Variants in KYAT3 observed in about 807,000 individuals in gnomAD.
The protein encoded by KYAT3 is kynurenine--oxoglutarate transaminase 3.
In KYAT3, 50 loss-of-function variants were observed where a neutral mutation model predicts 59.0. The observed-to-expected ratio is 0.85, with a 90% CI of 0.68 to 1.07. The LOEUF is 1.07. Ranked by LOEUF, KYAT3 falls within the 50% of genes least tolerant of loss-of-function variation. The pLI is 0.00. For synonymous variants in KYAT3, 148 were observed against 177.0 expected (o/e 0.84, Z 1.30); for missense variants, 497 against 533.3 (o/e 0.93, Z 0.67).
At chr1:88,957,522 C>T (rs1570794856) in intron 8 of KYAT3, among the ~76,000 whole-genome samples, 2 of 151,984 alleles carry the variant, frequency 1.3e-5, no homozygotes, top group South Asian at 2.1e-4. Context: ...CTATTGTATT[C>T]GATAGAATAC....
At chr1:88,946,699 T>G (rs1411538011) in intron 11 of KYAT3, among the ~76,000 whole-genome samples, 1 of 152,158 alleles carries the variant, frequency 6.6e-6, no homozygotes, top group African/African-American at 2.4e-5. Context: ...GAACTGCACA[T>G]TTAGACTCAA....
chr1:88,969,519 C>G, intron 2 of KYAT3, 52 bp from the exon 3 acceptor site: 1 of 983,148 alleles, frequency 1.0e-6, no homozygotes, highest in East Asian at 2.4e-5. Context: ...ATTTTAAAAG[C>G]CAGTAAATCA....
intron 2 of KYAT3, among the ~76,000 whole-genome samples, chr1:88,978,557 G>C (rs548739843): frequency 5.3e-5 from 8 of 151,972 alleles, no homozygotes; most frequent in Non-Finnish European, 1.2e-4. Flanking sequence ...GAGTGCAGTG[G>C]TGCAATCATG....
At chr1:88,946,929 T>C (rs372597223) in intron 11 of KYAT3, among the ~76,000 whole-genome samples, 4 of 152,338 alleles carry the variant, frequency 2.6e-5, no homozygotes, top group African/African-American at 9.6e-5. Flanking sequence ...AATGAATTCT[T>C]ATGACTGTAT....
chr1:88,975,591 A>G (rs1051551870), intron 2 of KYAT3, among the ~76,000 whole-genome samples: 2 of 152,278 alleles, frequency 1.3e-5, no homozygotes, highest in Non-Finnish European at 2.9e-5. Flanking sequence ...CCTCAATATT[A>G]TAGTCATCTG....
chr1:88,932,564 G>A (rs1674930655), downstream of KYAT3, among the ~76,000 whole-genome samples: 1 of 152,158 alleles, frequency 6.6e-6, no homozygotes, highest in Non-Finnish European at 1.5e-5. Context: ...TGTGATCACA[G>A]CTCACTGCAG....
intron 11 of KYAT3, among the ~76,000 whole-genome samples, chr1:88,946,668 T>G (rs189210215): frequency 7.2e-5 from 11 of 152,278 alleles, no homozygotes; most frequent in Non-Finnish European, 1.5e-5. Flanking sequence ...TGTGCTAATT[T>G]TTTTTATCAT....
At chr1:88,988,112 T>C (rs1170587035) in intron 2 of KYAT3, 140 bp downstream of exon 2, 1 of 581,274 alleles carries the variant, frequency 1.7e-6, no homozygotes. Flanking sequence ...TTCTAGTCAA[T>C]GACAAGAGAC....
chr1:88,968,986 T>C (rs1355959841), intron 3 of KYAT3, among the ~76,000 whole-genome samples, 172 bp from the exon 4 acceptor site: 1 of 152,186 alleles, frequency 6.6e-6, no homozygotes, highest in Non-Finnish European at 1.5e-5. Context: ...GTTTACCAAA[T>C]AGAATGATGG....
chr1:88,949,274 C>T lies in KYAT3; in HGVS notation c.958G>A (p.Ala320Thr). Residue 320 changes from alanine to threonine, a missense_variant, in exon 11 of 14, where the codon GCC becomes ACC. Around this residue, in one of 2 missense-constraint regions of KYAT3, gnomAD observed 469 missense variants for 479.1 expected, o/e 0.98. Coordinates refer to ENST00000260508, the MANE Select transcript of KYAT3 (RefSeq NM_001008661.3). ...TCAATCCAGAAAGCTTGAGCCAAGGCTTCCTGTTTGTTAAGAATCAAAAAA... is the reference window on the plus strand; with the variant it reads ...TCAATCCAGAAAGCTTGAGCCAAGGTTTCCTGTTTGTTAAGAATCAAAAAA... ...IYTCATPLQE[A>T]LAQAFWIDIK... 2.6e-6 allele frequency: 4 copies of T among 1,537,130 alleles called. No homozygotes were observed. The highest frequency in any genetic ancestry group is 2.8e-5 in the African/African-American group (2 of 70,736).
At chr1:88,927,880 C>T in the KYAT3 span, among the ~76,000 whole-genome samples, 3 of 152,182 alleles carry the variant, frequency 2.0e-5, no homozygotes, top group East Asian at 5.8e-4. Context: ...AGAGAAGTGC[C>T]GCCATAACTG....
At chr1:88,973,457 C>A (rs1676636716) in intron 2 of KYAT3, among the ~76,000 whole-genome samples, 1 of 152,134 alleles carries the variant, frequency 6.6e-6, no homozygotes, top group Non-Finnish European at 1.5e-5. Context: ...AGAGCAGATC[C>A]AGTATCAGGT....
intron 9 of KYAT3, 144 bp downstream of exon 9, chr1:88,955,005 A>G: frequency 1.8e-6 from 1 of 565,134 alleles, no homozygotes; most frequent in Non-Finnish European, 3.2e-6. Flanking sequence ...GCCTTAAGTG[A>G]TCCTCCTGCC....
chr1:88,982,690 G>GC, intron 2 of KYAT3: 3 of 1,613,436 alleles, frequency 1.9e-6, no homozygotes, highest in Non-Finnish European at 1.7e-6. Flanking sequence ...TATCAGATCG[G>GC]CTTCCTCCAG....
chr1:88,947,866 A>T (rs563832217), intron 11 of KYAT3, among the ~76,000 whole-genome samples: 1 of 152,318 alleles, frequency 6.6e-6, no homozygotes, highest in African/African-American at 2.4e-5. Flanking sequence ...AGGCAGGTGG[A>T]TCACTCATTA....
chr1:88,987,825 T>C (rs1677553746), intron 2 of KYAT3, among the ~76,000 whole-genome samples: 1 of 152,240 alleles, frequency 6.6e-6, no homozygotes, highest in African/African-American at 2.4e-5. Context: ...TTCGTATCTC[T>C]CTGATTGTCT....
At chr1:88,943,599 G>A (rs1165417183) in intron 11 of KYAT3, among the ~76,000 whole-genome samples, 176 bp from the exon 12 acceptor site, 4 of 152,208 alleles carry the variant, frequency 2.6e-5, no homozygotes, top group East Asian at 1.9e-4. Context: ...GGGGTGGGAA[G>A]TGAATTCACA....
intron 8 of KYAT3, among the ~76,000 whole-genome samples, chr1:88,956,965 A>T (rs900284641): frequency 6.6e-6 from 1 of 151,988 alleles, no homozygotes; most frequent in Non-Finnish European, 1.5e-5. Flanking sequence ...TTGTCCTTAG[A>T]GTGTTGGTAC....
chr1:88,964,883 T>C lies in KYAT3; in HGVS notation c.399A>G (p.Gly133=). 6.2e-7 allele frequency: 1 copy of C among 1,609,118 alleles called. No homozygotes were observed. The highest frequency in any genetic ancestry group is 8.5e-7 in the Non-Finnish European group (1 of 1,178,166). The change falls in exon 5 of 14, where the codon GGA becomes GGG. Residue 133 remains glycine (G), a synonymous_variant. Coordinates refer to ENST00000260508, the MANE Select transcript of KYAT3 (RefSeq NM_001008661.3). ...DSNKEILVTV[G]AYGSLFNTIQ... ...TGGTGTTAAAAAGAGATCCATATGCTCCTACTGTCACAAGGATTTCTTTAT... is the reference window on the plus strand; with the variant it reads ...TGGTGTTAAAAAGAGATCCATATGCCCCTACTGTCACAAGGATTTCTTTAT...
Sources: allele counts gnomAD v4.1 joint callset (sites outside exome capture counted in the v4.1 genomes callset), GRCh38; gene constraint gnomAD v4.1.1; regional missense constraint gnomAD v4.1.1; transcripts MANE v1.5; gene names NCBI Gene and HGNC (gene_info 2026-07-23, HGNC 2026-07-21).